SETDB1: variants seen among roughly 807,000 people sequenced by gnomAD.
SETDB1 encodes histone-lysine N-methyltransferase SETDB1.
Under a neutral mutation model 137.4 loss-of-function variants are expected in SETDB1, and 31 were observed. That is an observed-to-expected ratio of 0.23 (90% CI 0.17 to 0.30). The LOEUF is 0.30. SETDB1 is among the 10% of genes least tolerant of loss of function. The pLI is 1.00. For synonymous variants in SETDB1, 548 were observed against 579.9 expected (o/e 0.95, Z 0.79); for missense variants, 1,113 against 1,631.5 (o/e 0.68, Z 5.47).
rs1669763382 is a variant in SETDB1, at chr1:150,931,735, A to AAC, written c.412+1618_412+1619insCA. Among the ~76,000 whole-genome samples, 3 of 148,056 alleles carry AAC rather than the reference A, an allele frequency of 2.0e-5. No homozygotes were observed. In the South Asian group the frequency reaches 6.3e-4, roughly 31 times the overall value. ...GAGACTCTGTCTCACCCAAAAAAAA[A>AAC]AAAAAAAAAAACAGACATCCTTTTC... On this transcript the variant is annotated intron_variant, in intron 3 of 21. Coordinates refer to ENST00000692827, the MANE Select transcript of SETDB1 (RefSeq NM_001366418.1).
Position 150,944,921 on chromosome 1 carries a change from A to G in SETDB1, c.953A>G (p.Lys318Arg), listed in dbSNP as rs1314104945. 6.2e-6 allele frequency: 10 copies of G among 1,613,932 alleles called. No individual in the cohort carries two copies. The highest frequency in any genetic ancestry group is 6.8e-6 in the Non-Finnish European group (8 of 1,180,020). The change falls in exon 9 of 22, where the codon AAA (lysine) becomes AGA (arginine). Residue 318 changes from lysine to arginine, a missense_variant. Coordinates refer to ENST00000692827, the MANE Select transcript of SETDB1 (RefSeq NM_001366418.1). ...SELYPICRPL[K>R]KTWEDIEDIS... ...TTCTACTTCTTCCTTGAAACAGTGA[A>G]AAAGACTTGGGAGGACATAGAAGAC... is the stretch of plus-strand genomic sequence containing the variant.
intron 1 of SETDB1, among the ~76,000 whole-genome samples, chr1:150,927,351 C>A (rs927503928): frequency 6.6e-6 from 1 of 152,128 alleles, no homozygotes; most frequent in South Asian, 2.1e-4. Context: ...GTCTTGAACT[C>A]CTGCCCTCAA....
chr1:150,931,260 T>TAAAAAAAA (rs1272248504), intron 3 of SETDB1, among the ~76,000 whole-genome samples: 5 of 33,972 alleles, frequency 1.5e-4, no homozygotes, highest in African/African-American at 6.7e-4. Flanking sequence ...ACTCTTGTCT[T>TAAAAAAAA]CAAAAAAAAA....
At chr1:150,939,235 A>T (rs1217007774) in intron 3 of SETDB1, among the ~76,000 whole-genome samples, 1 of 140,146 alleles carries the variant, frequency 7.1e-6, no homozygotes, top group Non-Finnish European at 1.5e-5. Flanking sequence ...TACAGGTGTG[A>T]GCCACTGCAC....
chr1:150,934,237 C>T (rs1366919362), intron 3 of SETDB1, among the ~76,000 whole-genome samples: 2 of 152,098 alleles, frequency 1.3e-5, no homozygotes, highest in African/African-American at 4.8e-5. Flanking sequence ...CTTTGGGAGG[C>T]CGAGACGGGC....
chr1:150,959,235 G>A lies in SETDB1; in HGVS notation c.2391G>A (p.Leu797=), dbSNP rs1303507939. The A allele has an allele frequency of 3.7e-6, 6 of 1,603,156 alleles. No homozygotes were observed. In the South Asian group the frequency reaches 5.7e-5, roughly 15 times the overall value. ...KCDPNMCTNR[L]VQHGLQVRLQ... The stretch of plus-strand genomic sequence containing the variant: ...ACCCAAACATGTGCACAAACCGGTT[G>A]GTGCAACATGGACTACAAGTTCGGC... Residue 797 remains leucine (L), a synonymous_variant, in exon 15 of 22, where the codon TTG becomes TTA. Transcript: ENST00000692827.
In SETDB1 at chr1:150,956,303, T is replaced by G. The variant is rs376989043; in HGVS notation, c.2334-2875T>G. ...CCAGAGGCTGAGGCAGGAGAATCACTTGAACCCGCGAGGTGGAGGTTGCAG... is the reference window on the plus strand; with the variant it reads ...CCAGAGGCTGAGGCAGGAGAATCACGTGAACCCGCGAGGTGGAGGTTGCAG... On this transcript the variant is annotated intron_variant, in intron 14 of 21. Coordinates refer to ENST00000692827, the MANE Select transcript of SETDB1 (RefSeq NM_001366418.1). 4.6e-5 allele frequency among the ~76,000 whole-genome samples: 7 copies of G among 151,840 alleles called. No homozygotes were observed. In the East Asian group the frequency reaches 7.8e-4, roughly 17 times the overall value.
At chr1:150,958,696 T>C (rs587677073) in intron 14 of SETDB1, among the ~76,000 whole-genome samples, 5 of 152,296 alleles carry the variant, frequency 3.3e-5, no homozygotes, top group South Asian at 2.1e-4. Flanking sequence ...GTATCTGTTA[T>C]GTTGGCCTCT....
chr1:150,950,509 C>A lies in SETDB1; in HGVS notation c.1635C>A (p.Ala545=). 6.2e-7 allele frequency: 1 copy of A among 1,613,298 alleles called. No individual in the cohort carries two copies. The highest frequency in any genetic ancestry group is 1.1e-5 in the South Asian group (1 of 90,978). The part of the protein sequence containing the change: ...ASAPAPSALP[A]PPAPPVFHGM... ...CCCCAGCACCCTCAGCACTCCCGGC[C>A]CCTCCAGCACCCCCAGTCTTCCATG... is the stretch of plus-strand genomic sequence containing the variant. The change falls in exon 13 of 22, where the codon GCC becomes GCA. Residue 545 remains alanine, a synonymous_variant. Transcript: ENST00000692827.
intron 5 of SETDB1, 44 bp from the exon 6 acceptor site, chr1:150,942,518 GA>G (rs776825990): frequency 1.3e-6 from 2 of 1,567,534 alleles, no homozygotes; most frequent in African/African-American, 2.7e-5. Context: ...GTTCTCTACC[GA>G]ATCTATGTCA....
intron 14 of SETDB1, among the ~76,000 whole-genome samples, chr1:150,952,094 G>A (rs1050012014): frequency 1.3e-5 from 2 of 151,704 alleles, no homozygotes; most frequent in Non-Finnish European, 2.9e-5. Flanking sequence ...GTTGCAGTGA[G>A]CCAAGATCAT....
At chr1:150,926,891 A>G in intron 1 of SETDB1, 1 of 530,022 alleles carries the variant, frequency 1.9e-6, no homozygotes, top group Non-Finnish European at 3.9e-6. Context: ...GTGTGTTTGA[A>G]TATCATAGAC....
chr1:150,963,827 G>A (rs1271191993), intron 20 of SETDB1, 86 bp downstream of exon 20: 3 of 1,404,666 alleles, frequency 2.1e-6, no homozygotes, highest in African/African-American at 1.4e-5. Flanking sequence ...CCCTTTTCTT[G>A]TTATAAACTC....
At chr1:150,939,282 A>G (rs587600441) in intron 3 of SETDB1, among the ~76,000 whole-genome samples, 78 of 134,734 alleles carry the variant, frequency 5.8e-4, no homozygotes, top group African/African-American at 2.1e-3. Context: ...TGGTAAAGAC[A>G]GGGTTTTGCT....
Position 150,946,534 on chromosome 1 carries a change from C to T in SETDB1, c.1141-352C>T, listed in dbSNP as rs1319712615. 4.6e-5 allele frequency among the ~76,000 whole-genome samples: 7 copies of T among 152,148 alleles called. No individual in the cohort carries two copies. In the East Asian group the frequency reaches 7.8e-4, roughly 17 times the overall value. ...TGCAGTCTCGGCTCACCACAACCTC[C>T]GCCTCCCTGGTTCAAGCAATTCTCC... is the stretch of plus-strand genomic sequence containing the variant. On this transcript the variant is annotated intron_variant, in intron 9 of 21. Transcript: ENST00000692827.
At chr1:150,943,540 G>A (rs1422784403) in intron 7 of SETDB1, among the ~76,000 whole-genome samples, 1 of 152,160 alleles carries the variant, frequency 6.6e-6, no homozygotes, top group Admixed American at 6.5e-5. Flanking sequence ...GCTGGGTGTG[G>A]TGGCGCATGC....
chr1:150,959,001 TGAATC>T (rs1303065466), intron 14 of SETDB1, among the ~76,000 whole-genome samples, 172 bp from the exon 15 acceptor site: 2 of 152,200 alleles, frequency 1.3e-5, no homozygotes, highest in African/African-American at 4.8e-5. Flanking sequence ...CATTTCCAAA[TGAATC>T]AAAGAGCATA....
At position 150,959,184 on chromosome 1, in the gene SETDB1, T is replaced by C. The variant is rs139786773; in HGVS notation, c.2340T>C (p.Tyr780=). 20 of 1,570,288 alleles carry C rather than the reference T, an allele frequency of 1.3e-5. No individual in the cohort carries two copies. The highest frequency in any genetic ancestry group is 1.7e-4 in the Middle Eastern group (1 of 5,982). The change falls in exon 15 of 22, where the codon TAT becomes TAC. Residue 780 remains tyrosine, a synonymous_variant. Coordinates refer to ENST00000692827, the MANE Select transcript of SETDB1 (RefSeq NM_001366418.1). ...TATTCTAACCTCCTCCCAGGGTATA[T>C]GAGTGTAACAAACGCTGCAAATGTG... ...RLEECLPTGV[Y]ECNKRCKCDP...
intron 4 of SETDB1, among the ~76,000 whole-genome samples, chr1:150,940,869 G>A (rs780943917): frequency 1.1e-4 from 17 of 151,384 alleles, no homozygotes; most frequent in Non-Finnish European, 2.2e-4. Flanking sequence ...ATGGTGGCAC[G>A]TGCCTGTAGT....
Sources: gnomAD v4.1 joint callset for allele counts (sites outside exome capture counted in the v4.1 genomes callset) on GRCh38, gnomAD v4.1.1 for gene constraint, MANE v1.5 for transcripts, NCBI Gene and HGNC (gene_info 2026-07-23, HGNC 2026-07-21) for gene names.